SNTG2: variants seen among roughly 807,000 people sequenced by gnomAD.
SNTG2 encodes the protein gamma-2-syntrophin.
SNTG2 carries 74 observed loss-of-function variants against 70.9 expected under a neutral mutation model. The ratio of observed to expected loss-of-function variants is 1.04; its 90% CI spans 0.86 to 1.27. The LOEUF (loss-of-function observed/expected upper bound fraction) is 1.27. Among genes scored for constraint, SNTG2 ranks in the 50% most tolerant of loss-of-function variants. The pLI is 0.00. For missense variants in SNTG2, 717 were observed against 690.7 expected (o/e 1.04, Z -0.43); for synonymous variants, 278 against 273.8 (o/e 1.02, Z -0.15).
intron 14 of SNTG2, among the ~76,000 whole-genome samples, chr2:1,279,016 C>T (rs1172895264): frequency 1.1e-5 from 1 of 91,036 alleles, no homozygotes; most frequent in Non-Finnish European, 2.6e-5. Flanking sequence ...TGAATAACCG[C>T]TGTCTGTGCG....
intron 6 of SNTG2, among the ~76,000 whole-genome samples, chr2:1,156,597 G>C (rs576688612): frequency 6.6e-6 from 1 of 152,288 alleles, no homozygotes; most frequent in Non-Finnish European, 1.5e-5. Flanking sequence ...GTGCAGCCAG[G>C]GTGCAGCCAC....
intron 8 of SNTG2, among the ~76,000 whole-genome samples, chr2:1,199,879 T>C (rs1444276903): frequency 6.6e-6 from 1 of 152,020 alleles, no homozygotes; most frequent in Admixed American, 6.6e-5. Context: ...CGCAAACTAA[T>C]GGAAAGACAT....
At chr2:977,008 G>C (rs1217332202) in intron 1 of SNTG2, among the ~76,000 whole-genome samples, 1 of 152,176 alleles carries the variant, frequency 6.6e-6, no homozygotes, top group Non-Finnish European at 1.5e-5. Context: ...GGAGGTGGCA[G>C]CCCCACCTGG....
At chr2:1,137,132 A>G (rs1415140323) in intron 4 of SNTG2, among the ~76,000 whole-genome samples, 2 of 152,230 alleles carry the variant, frequency 1.3e-5, no homozygotes, top group African/African-American at 4.8e-5. Context: ...AGGCCAATCT[A>G]GCTTTCCTTA....
At chr2:1,229,867 C>A (rs1676081006) in intron 9 of SNTG2, among the ~76,000 whole-genome samples, 1 of 152,230 alleles carries the variant, frequency 6.6e-6, no homozygotes, top group African/African-American at 2.4e-5. Flanking sequence ...TTGCCCGAGG[C>A]CGGCAGGGCC....
chr2:984,376 A>G (rs766934541), intron 1 of SNTG2, among the ~76,000 whole-genome samples: 1 of 151,508 alleles, frequency 6.6e-6, no homozygotes, highest in African/African-American at 2.4e-5. Context: ...TGTTTCTTCT[A>G]CCAAGGGAAG....
intron 4 of SNTG2, among the ~76,000 whole-genome samples, chr2:1,103,762 T>C (rs1166759067): frequency 6.6e-6 from 1 of 152,212 alleles, no homozygotes; most frequent in African/African-American, 2.4e-5. Context: ...CCTCCGTGCA[T>C]GCTGTGATTG....
intron 12 of SNTG2, among the ~76,000 whole-genome samples, chr2:1,258,003 C>T (rs1188070020): frequency 6.6e-6 from 1 of 151,996 alleles, no homozygotes; most frequent in East Asian, 1.9e-4. Flanking sequence ...CAGCATTGTC[C>T]TAACTGGGAA....
At chr2:1,124,140 TG>T in intron 4 of SNTG2, among the ~76,000 whole-genome samples, 1 of 40,090 alleles carries the variant, frequency 2.5e-5, no homozygotes, top group Non-Finnish European at 4.3e-5. Flanking sequence ...TATAAAAACA[TG>T]TGAAGTATTT....
chr2:982,405 C>T (rs974984603), intron 1 of SNTG2, among the ~76,000 whole-genome samples: 2 of 152,164 alleles, frequency 1.3e-5, no homozygotes, highest in African/African-American at 4.8e-5. Context: ...CCTCGGTACA[C>T]GGAGGACACG....
At chr2:1,174,125 TAAAAC>T (rs2147887210) in intron 8 of SNTG2, among the ~76,000 whole-genome samples, 1 of 152,276 alleles carries the variant, frequency 6.6e-6, no homozygotes, top group Admixed American at 6.5e-5. Context: ...AGCAAAATAA[TAAAAC>T]AAATGCCCAT....
chr2:1,200,283 A>G (rs970383592), intron 8 of SNTG2, among the ~76,000 whole-genome samples: 3 of 152,038 alleles, frequency 2.0e-5, no homozygotes, highest in Non-Finnish European at 2.9e-5. Context: ...TACTCTCTTC[A>G]ATACATGGTT....
At chr2:1,018,936 T>G (rs1039944746) in intron 1 of SNTG2, among the ~76,000 whole-genome samples, 5 of 152,192 alleles carry the variant, frequency 3.3e-5, no homozygotes, top group Non-Finnish European at 7.3e-5. Flanking sequence ...TGTGAAGAGA[T>G]GCCCATTGTC....
intron 6 of SNTG2, chr2:1,158,247 TACTC>T (rs1457432789): frequency 2.6e-5 from 4 of 152,262 alleles, no homozygotes; most frequent in African/African-American, 4.8e-5. Context: ...ACCTTCCCTT[TACTC>T]ACTCAAGTTC....
chr2:1,141,076 A>G (rs940628700), intron 6 of SNTG2, among the ~76,000 whole-genome samples: 2 of 152,186 alleles, frequency 1.3e-5, no homozygotes, highest in East Asian at 3.9e-4. Flanking sequence ...CAAATCATCT[A>G]TTTTGAACAG....
intron 4 of SNTG2, among the ~76,000 whole-genome samples, chr2:1,135,026 C>A (rs549187134): frequency 6.6e-6 from 1 of 152,200 alleles, no homozygotes; most frequent in African/African-American, 2.4e-5. Context: ...TCATTAAACC[C>A]CAGGCCCTGC....
At chr2:1,224,136 C>T (rs570459107) in intron 9 of SNTG2, among the ~76,000 whole-genome samples, 2 of 152,228 alleles carry the variant, frequency 1.3e-5, no homozygotes, top group East Asian at 3.9e-4. Context: ...CAGGCTGCAC[C>T]CTCAGGACCT....
chr2:1,147,073 T>C (rs1026998025), intron 6 of SNTG2, among the ~76,000 whole-genome samples: 2 of 152,216 alleles, frequency 1.3e-5, no homozygotes, highest in African/African-American at 4.8e-5. Flanking sequence ...TATAATAGCA[T>C]TTGAGTTGGG....
intron 14 of SNTG2, among the ~76,000 whole-genome samples, chr2:1,294,987 G>A (rs1159908320): frequency 1.3e-5 from 2 of 152,194 alleles, no homozygotes; most frequent in Non-Finnish European, 2.9e-5. Flanking sequence ...GGGATGAGGC[G>A]TTTGACGCAG....
Sources: allele counts gnomAD v4.1 joint callset (sites outside exome capture counted in the v4.1 genomes callset), GRCh38; gene constraint gnomAD v4.1.1; transcripts MANE v1.5; gene names NCBI Gene and HGNC (gene_info 2026-07-23, HGNC 2026-07-21).